Variants in ADAMTS12 observed in about 807,000 individuals in gnomAD.
ADAMTS12 encodes A disintegrin and metalloproteinase with thrombospondin motifs 12.
In ADAMTS12, 118 loss-of-function variants were observed where a neutral mutation model predicts 167.8. The ratio of observed to expected loss-of-function variants is 0.70; its 90% confidence interval spans 0.61 to 0.82. The LOEUF is 0.82. Ranked by LOEUF, ADAMTS12 falls within the 40% of genes least tolerant of loss-of-function variation. ADAMTS12 has a pLI of 0.00. For synonymous variants in ADAMTS12, 704 were observed against 716.9 expected (o/e 0.98, Z 0.29); for missense variants, 1,916 against 1,998.8 (o/e 0.96, Z 0.79).
At chr5:33,875,213 G>A (rs900148224) in intron 2 of ADAMTS12, among the ~76,000 whole-genome samples, 2 of 152,134 alleles carry the variant, frequency 1.3e-5, no homozygotes, top group African/African-American at 4.8e-5. Context: ...AAATTCTCAG[G>A]GCAGTGAAAA....
chr5:33,553,108 G>GA (rs1745326607), intron 20 of ADAMTS12, among the ~76,000 whole-genome samples: 1 of 152,046 alleles, frequency 6.6e-6, no homozygotes, highest in South Asian at 2.1e-4. Context: ...ACAATCACAT[G>GA]AAAAAAAGCT....
At position 33,759,335 on chromosome 5, in the gene ADAMTS12, C is replaced by G. The variant is rs553112633; in HGVS notation, c.490-7787G>C. On this transcript the variant is annotated intron_variant, in intron 2 of 23. Coordinates refer to ENST00000504830, the MANE Select transcript of ADAMTS12 (RefSeq NM_030955.4). ...CTGGAAGCACATTCTATAGCATAGTCTGTTTTTCTCTAGTAAAAGAAGCCA... is the reference window on the plus strand; with the variant it reads ...CTGGAAGCACATTCTATAGCATAGTGTGTTTTTCTCTAGTAAAAGAAGCCA... Among the ~76,000 whole-genome samples the G allele has an allele frequency of 4.6e-5, 7 of 152,368 alleles. No individual in the cohort carries two copies. In the South Asian group the frequency reaches 1.4e-3, roughly 32 times the overall value.
chr5:33,530,790 G>A (rs1744057664), intron 23 of ADAMTS12, among the ~76,000 whole-genome samples: 1 of 152,296 alleles, frequency 6.6e-6, no homozygotes. Flanking sequence ...AGCCTCTTCT[G>A]CTAAGGGCAA....
chr5:33,670,110 G>A (rs1579819255), intron 5 of ADAMTS12, among the ~76,000 whole-genome samples: 2 of 150,966 alleles, frequency 1.3e-5, no homozygotes, highest in African/African-American at 2.4e-5. Flanking sequence ...CATATTTGAC[G>A]AAAGACTTAT....
intron 2 of ADAMTS12, among the ~76,000 whole-genome samples, chr5:33,854,314 A>G (rs1749325504): frequency 6.6e-6 from 1 of 152,230 alleles, no homozygotes; most frequent in East Asian, 1.9e-4. Flanking sequence ...TAATCCATGA[A>G]TATCTGGAGG....
chr5:33,604,312 G>A (rs1166520815), intron 16 of ADAMTS12, among the ~76,000 whole-genome samples: 1 of 152,070 alleles, frequency 6.6e-6, no homozygotes, highest in Non-Finnish European at 1.5e-5. Context: ...GACCAGCCTG[G>A]CCAACATGGC....
chr5:33,764,491 C>T (rs1197276297), intron 2 of ADAMTS12, among the ~76,000 whole-genome samples: 2 of 152,174 alleles, frequency 1.3e-5, no homozygotes, highest in African/African-American at 2.4e-5. Context: ...CATACTGTAG[C>T]TTGTCAATAT....
chr5:33,682,442 T>G (rs183485266), intron 5 of ADAMTS12, among the ~76,000 whole-genome samples: 1 of 152,162 alleles, frequency 6.6e-6, no homozygotes, highest in African/African-American at 2.4e-5. Flanking sequence ...GACGTATCAA[T>G]TGAGGGTCTC....
At chr5:33,798,692 G>A (rs1223972809) in intron 2 of ADAMTS12, among the ~76,000 whole-genome samples, 7 of 151,920 alleles carry the variant, frequency 4.6e-5, no homozygotes, top group Middle Eastern at 3.2e-3. Flanking sequence ...TGCCTGCTTC[G>A]TCCTCCCAAA....
At chr5:33,718,826 C>T (rs771193732) in intron 3 of ADAMTS12, among the ~76,000 whole-genome samples, 1 of 152,120 alleles carries the variant, frequency 6.6e-6, no homozygotes, top group African/African-American at 2.4e-5. Flanking sequence ...TTTCTAACGA[C>T]GGGCACCTGA....
At chr5:33,778,561 A>C (rs1053180347) in intron 2 of ADAMTS12, among the ~76,000 whole-genome samples, 3 of 150,528 alleles carry the variant, frequency 2.0e-5, no homozygotes, top group Non-Finnish European at 4.4e-5. Flanking sequence ...AACTAAAACT[A>C]CCAGAAGACA....
At chr5:33,593,032 T>A (rs1747725357) in intron 17 of ADAMTS12, among the ~76,000 whole-genome samples, 1 of 152,170 alleles carries the variant, frequency 6.6e-6, no homozygotes, top group South Asian at 2.1e-4. Context: ...ATCCCAGCAC[T>A]TGGGGAGGCT....
At chr5:33,585,080 TC>T (rs1554023434) in intron 18 of ADAMTS12, among the ~76,000 whole-genome samples, 1 of 149,544 alleles carries the variant, frequency 6.7e-6, no homozygotes, top group African/African-American at 2.5e-5. Context: ...CATCCATCCA[TC>T]CCTCCAAGGA....
At chr5:33,891,663 G>C in intron 1 of ADAMTS12, 67 bp downstream of exon 1, 1 of 1,604,756 alleles carries the variant, frequency 6.2e-7, no homozygotes, top group East Asian at 2.2e-5. Flanking sequence ...AAGGGAAAGG[G>C]GAGCAACAAA....
At chr5:33,677,389 G>C (rs1225507062) in intron 5 of ADAMTS12, among the ~76,000 whole-genome samples, 2 of 152,152 alleles carry the variant, frequency 1.3e-5, no homozygotes, top group Non-Finnish European at 2.9e-5. Flanking sequence ...TGAGGAAATG[G>C]AGACACAGAC....
intron 12 of ADAMTS12, among the ~76,000 whole-genome samples, chr5:33,635,041 T>C (rs904695865): frequency 6.6e-6 from 1 of 152,102 alleles, no homozygotes; most frequent in African/African-American, 2.4e-5. Flanking sequence ...TGATGTATTA[T>C]ATTAGGGTAA....
chr5:33,553,725 T>C (rs1386987233), intron 20 of ADAMTS12, among the ~76,000 whole-genome samples: 2 of 152,056 alleles, frequency 1.3e-5, no homozygotes, highest in Non-Finnish European at 2.9e-5. Context: ...GGGTGGAGTG[T>C]GGGAGGAGGG....
chr5:33,868,320 G>A (rs1453128312), intron 2 of ADAMTS12, among the ~76,000 whole-genome samples: 2 of 152,186 alleles, frequency 1.3e-5, no homozygotes, highest in African/African-American at 2.4e-5. Context: ...AAGGAGAAAG[G>A]AAGATGAGGA....
At chr5:33,776,992 T>C (rs1745935992) in intron 2 of ADAMTS12, among the ~76,000 whole-genome samples, 1 of 152,022 alleles carries the variant, frequency 6.6e-6, no homozygotes, top group African/African-American at 2.4e-5. Context: ...ACAGAAAATC[T>C]GAACAGACCA....
Sources: gnomAD v4.1 joint callset for allele counts (sites outside exome capture counted in the v4.1 genomes callset) on GRCh38, gnomAD v4.1.1 for gene constraint, MANE v1.5 for transcripts, NCBI Gene and HGNC (gene_info 2026-07-23, HGNC 2026-07-21) for gene names.